Variants in CSMD2 observed in about 807,000 individuals in gnomAD.
CSMD2 encodes CUB and sushi domain-containing protein 2.
Under a neutral mutation model 398.5 loss-of-function variants are expected in CSMD2, and 130 were observed. The observed-to-expected ratio is 0.33, with a 90% CI of 0.28 to 0.38. The LOEUF (loss-of-function observed/expected upper bound fraction) is 0.38. CSMD2 is among the 10% of genes least tolerant of loss of function. The pLI, the probability that CSMD2 is intolerant of heterozygous loss-of-function variation, is 1.00. For missense variants in CSMD2, 3,829 were observed against 4,764.9 expected (o/e 0.80, Z 5.78); for synonymous variants, 1,828 against 1,908.5 (o/e 0.96, Z 1.10).
In CSMD2 at chr1:33,646,663, C is replaced by G. The variant is rs145989440; in HGVS notation, c.4759G>C (p.Val1587Leu). The change falls in exon 29 of 71, where the codon GTC (valine) becomes CTC (leucine). Residue 1587 changes from valine (V) to leucine (L), a missense_variant. By Grantham distance (32) the Val-to-Leu change is conservative. Transcript: ENST00000373381. ...SDASVSNAGF[V>L]IDYTENPRES... The stretch of plus-strand genomic sequence containing the variant: ...GGGCCCTTACCTGTATAGTCAATGA[C>G]GAAGCCAGCATTGCTCACAGATGCA... The G allele has an allele frequency of 6.2e-7, 1 of 1,613,778 alleles. No homozygotes were observed. The highest frequency in any genetic ancestry group is 1.7e-5 in the Admixed American group (1 of 60,016).
At chr1:34,126,671 C>T (rs902125574) in intron 1 of CSMD2, among the ~76,000 whole-genome samples, 1 of 152,064 alleles carries the variant, frequency 6.6e-6, no homozygotes, top group African/African-American at 2.4e-5. Flanking sequence ...GGAGACACTG[C>T]AGGAGGGAGT....
intron 3 of CSMD2, among the ~76,000 whole-genome samples, chr1:33,937,264 T>C (rs1187679181): frequency 6.6e-6 from 1 of 152,052 alleles, no homozygotes; most frequent in East Asian, 1.9e-4. Flanking sequence ...CAGGAACAGG[T>C]AGGGAACCAA....
At chr1:33,908,568 C>G (rs1230417576) in intron 5 of CSMD2, among the ~76,000 whole-genome samples, 1 of 152,256 alleles carries the variant, frequency 6.6e-6, no homozygotes, top group African/African-American at 2.4e-5. Context: ...CCTCAGCTTC[C>G]CATGCACAGA....
rs553597768 is a variant in CSMD2 at position 33,776,477 on chromosome 1, A to G, written c.1664-3726T>C. Among the ~76,000 whole-genome samples, 84 of 152,256 alleles carry G rather than the reference A, an allele frequency of 5.5e-4. 1 individual carries two copies. Among genetic ancestry groups the G allele is most frequent in the African/African-American group, 2.0e-3 (83 of 41,558 alleles). ...GAAGGTGAGGGACAAGTCATGGGAA[A>G]ACGACTTGAAGAGAATGTCTGAAGC... On this transcript the variant is annotated intron_variant, in intron 12 of 70. Transcript: ENST00000373381.
chr1:34,159,863 CT>C (rs1557451804), intron 1 of CSMD2, among the ~76,000 whole-genome samples: 7 of 152,296 alleles, frequency 4.6e-5, no homozygotes, highest in East Asian at 1.9e-4. Context: ...TTGGCCCCAG[CT>C]TCTATTTAAT....
chr1:33,701,736 A>G (rs1645618792), intron 22 of CSMD2, among the ~76,000 whole-genome samples: 1 of 152,234 alleles, frequency 6.6e-6, no homozygotes. Flanking sequence ...TGATAGACTG[A>G]GTGAATTCTG....
At chr1:33,864,474 C>T (rs200543241) in intron 5 of CSMD2, 56 of 1,613,298 alleles carry the variant, frequency 3.5e-5, no homozygotes, top group Middle Eastern at 1.6e-4. Context: ...GGAACCCAGA[C>T]GGCCTCCATC....
At position 33,743,206 on chromosome 1, in the gene CSMD2, T is replaced by C. The variant is rs1050500716; in HGVS notation, c.2173+74A>G. The C allele has an allele frequency of 7.8e-5, 103 of 1,320,956 alleles. No individual in the cohort carries two copies. The African/African-American group carries it at 1.3e-3, about 17-fold the overall frequency. 81.8% of individuals were successfully genotyped at this position (1,320,956 alleles called of 1,614,324 possible). A position where few individuals can be genotyped will look rare whatever the true frequency, so the allele number is the denominator to read the frequency against. ...CCATCCACACCTCCTCCTCCCTCCA[T>C]GGGAGCACCTTCGATCATCCTCAGA... On this transcript the variant is annotated intron_variant, in intron 14 of 70. Coordinates refer to ENST00000373381, the MANE Select transcript of CSMD2 (RefSeq NM_001281956.2).
Position 33,735,014 on chromosome 1 carries a change from CTTT to C in CSMD2, c.2368+4123_2368+4125del, listed in dbSNP as rs145469923. Among the ~76,000 whole-genome samples, 43 of 152,252 alleles carry C rather than the reference CTTT, an allele frequency of 2.8e-4. No homozygotes were observed. The East Asian group carries it at 3.5e-3, about 12-fold the overall frequency. On this transcript the variant is annotated intron_variant, in intron 15 of 70. Transcript: ENST00000373381. ...ATGTCTCCATGTGATGTCCTGTCTT[CTTT>C]GTCTTATGCATTAGGCAATGTATTT... is the stretch of plus-strand genomic sequence containing the variant.
intron 10 of CSMD2, among the ~76,000 whole-genome samples, chr1:33,794,315 G>A (rs1654688827): frequency 6.6e-6 from 1 of 152,162 alleles, no homozygotes; most frequent in Non-Finnish European, 1.5e-5. Flanking sequence ...CACGTCAGTG[G>A]GTCTACAGAT....
intron 21 of CSMD2, among the ~76,000 whole-genome samples, chr1:33,709,811 T>C (rs1038902110): frequency 2.6e-5 from 4 of 152,040 alleles, no homozygotes; most frequent in Admixed American, 6.5e-5. Context: ...GTAGGCACAA[T>C]GATCATTTCT....
Position 33,636,335 on chromosome 1 carries a change from C to G in CSMD2, c.4969+25G>C, listed in dbSNP as rs753040462. 12 of 1,562,690 alleles carry G rather than the reference C, an allele frequency of 7.7e-6. No individual in the cohort carries two copies. The highest frequency in any genetic ancestry group is 2.4e-5 in the East Asian group (1 of 42,128). On this transcript the variant is annotated intron_variant, in intron 30 of 70. Transcript: ENST00000373381. This position sits in a 1 kb window ranked among gnomAD's most constrained non-coding sequence, Gnocchi z 4.8. ...TGGCATGCCCTCAGTTCCTCAGACCCCTGCCATCCCCAGGCTTCCACCACC... is the reference window on the plus strand; with the variant it reads ...TGGCATGCCCTCAGTTCCTCAGACCGCTGCCATCCCCAGGCTTCCACCACC...
At chr1:33,720,245 T>C (rs1378226865) in intron 19 of CSMD2, among the ~76,000 whole-genome samples, 2 of 152,132 alleles carry the variant, frequency 1.3e-5, no homozygotes, top group African/African-American at 2.4e-5. Context: ...CCAAGAAAAC[T>C]ACAGGAAACA....
intron 6 of CSMD2, among the ~76,000 whole-genome samples, chr1:33,834,302 G>A (rs1416652869): frequency 1.5e-5 from 1 of 67,250 alleles, no homozygotes; most frequent in East Asian, 8.2e-4. Context: ...CCAAAACAGA[G>A]ATATAGATCA....
chr1:34,141,492 C>T (rs946843878), intron 1 of CSMD2, among the ~76,000 whole-genome samples: 7 of 152,118 alleles, frequency 4.6e-5, no homozygotes, highest in South Asian at 2.1e-4. Context: ...AAGGAGGTGA[C>T]GTTGGAACAA....
intron 25 of CSMD2, among the ~76,000 whole-genome samples, chr1:33,672,033 C>T (rs1296179694): frequency 6.6e-6 from 1 of 152,190 alleles, no homozygotes; most frequent in African/African-American, 2.4e-5. Flanking sequence ...AGGAACAGCC[C>T]CAGTCTACAG....
At chr1:34,028,558 G>A (rs1270385520) in intron 3 of CSMD2, among the ~76,000 whole-genome samples, 1 of 152,128 alleles carries the variant, frequency 6.6e-6, no homozygotes, top group Non-Finnish European at 1.5e-5. Flanking sequence ...TTACCTGCCT[G>A]TGAAATGGAG....
chr1:33,716,250 T>C (rs368389521), intron 20 of CSMD2, 36 bp downstream of exon 20: 4 of 1,537,802 alleles, frequency 2.6e-6, no homozygotes, highest in African/African-American at 1.4e-5. Flanking sequence ...AATAGCACCA[T>C]GGTCTCTTCC....
At chr1:33,586,377 C>G in intron 46 of CSMD2, 127 bp downstream of exon 46, 1 of 625,018 alleles carries the variant, frequency 1.6e-6, no homozygotes. Flanking sequence ...ACAACATTTA[C>G]CAAGTGACCT....
Sources: allele counts gnomAD v4.1 joint callset (sites outside exome capture counted in the v4.1 genomes callset), GRCh38; gene constraint gnomAD v4.1.1; non-coding constraint Gnocchi (gnomAD v3.1); transcripts MANE v1.5; gene names NCBI Gene and HGNC (gene_info 2026-07-23, HGNC 2026-07-21).